The following BTRC variants were observed in gnomAD, a reference collection of about 807,000 sequenced individuals.
The protein encoded by BTRC is F-box/WD repeat-containing protein 1A.
Under a neutral mutation model 85.5 loss-of-function variants are expected in BTRC, and 42 were observed. The observed-to-expected ratio is 0.49, with a 90% CI of 0.38 to 0.64. The LOEUF (loss-of-function observed/expected upper bound fraction) is 0.64, where lower values mean the gene tolerates loss of function less well. BTRC is among the 30% of genes least tolerant of loss of function. The probability of loss-of-function intolerance (pLI) is 0.00; values close to 1 mark genes in which losing one functional copy is unlikely to be tolerated. For missense variants in BTRC, 594 were observed against 743.5 expected, an observed-to-expected ratio of 0.80 and a Z score of 2.34; for synonymous variants, 255 against 263.3, an observed-to-expected ratio of 0.97 and a Z score of 0.30.
At chr10:101,397,944 G>A (rs988801277) in intron 1 of BTRC, among the ~76,000 whole-genome samples, 1 of 152,160 alleles carries the variant, frequency 6.6e-6, no homozygotes, top group African/African-American at 2.4e-5. Context: ...TTTTAAAAAT[G>A]CCATTATTTC....
chr10:101,430,892 A>G (rs766765786), intron 2 of BTRC, among the ~76,000 whole-genome samples: 4 of 152,038 alleles, frequency 2.6e-5, no homozygotes, highest in African/African-American at 9.7e-5. Flanking sequence ...TCTTCAGAGT[A>G]TCTCCTGGTA....
At chr10:101,354,428 T>C in intron 1 of BTRC, 200 bp downstream of exon 1, 1 of 591,974 alleles carries the variant, frequency 1.7e-6, no homozygotes, top group Middle Eastern at 4.7e-4. Flanking sequence ...GGGCAGCGGC[T>C]CCGCCATCTT....
intron 13 of BTRC, among the ~76,000 whole-genome samples, chr10:101,540,306 C>T (rs2062446764): frequency 6.6e-6 from 1 of 152,152 alleles, no homozygotes; most frequent in African/African-American, 2.4e-5. Flanking sequence ...GCATATGGTA[C>T]AAGGTGTAGA....
At chr10:101,454,219 G>A (rs576825168) in intron 2 of BTRC, among the ~76,000 whole-genome samples, 2 of 152,302 alleles carry the variant, frequency 1.3e-5, no homozygotes, top group South Asian at 4.1e-4. Context: ...GTGTTAGTGG[G>A]TAGAGGGAGC....
intron 1 of BTRC, among the ~76,000 whole-genome samples, chr10:101,364,628 C>T (rs1365290612): frequency 2.0e-5 from 3 of 152,104 alleles, no homozygotes; most frequent in African/African-American, 7.2e-5. Flanking sequence ...GGAATTATAG[C>T]ATGTGGATAA....
chr10:101,485,973 G>C (rs1201159248), intron 4 of BTRC, among the ~76,000 whole-genome samples: 1 of 152,180 alleles, frequency 6.6e-6, no homozygotes, highest in Non-Finnish European at 1.5e-5. Flanking sequence ...CGATCAATTC[G>C]CCTCGTTTTG....
chr10:101,473,133 A>C (rs536664678), intron 3 of BTRC, among the ~76,000 whole-genome samples: 8 of 128,592 alleles, frequency 6.2e-5, no homozygotes, highest in Non-Finnish European at 1.2e-4. Context: ...ACTAAGACCG[A>C]TCTTTTTTTT....
chr10:101,487,993 A>G (rs528018191), intron 4 of BTRC, among the ~76,000 whole-genome samples: 7 of 152,320 alleles, frequency 4.6e-5, no homozygotes, highest in South Asian at 2.1e-4. Context: ...TTAATAATCT[A>G]TAGACTGTAA....
chr10:101,397,853 G>C (rs1943402989), intron 1 of BTRC, among the ~76,000 whole-genome samples: 1 of 152,168 alleles, frequency 6.6e-6, no homozygotes, highest in Admixed American at 6.5e-5. Context: ...GATGATAAAT[G>C]ATAAACATCC....
chr10:101,398,295 CTTT>C (rs1943412992), intron 1 of BTRC, among the ~76,000 whole-genome samples: 1 of 151,782 alleles, frequency 6.6e-6, no homozygotes, highest in Non-Finnish European at 1.5e-5. Flanking sequence ...TTGAAAATTT[CTTT>C]TTTTCTTTTT....
intron 1 of BTRC, among the ~76,000 whole-genome samples, chr10:101,390,683 G>A (rs969507255): frequency 2.0e-5 from 3 of 151,514 alleles, no homozygotes; most frequent in Non-Finnish European, 2.9e-5. Context: ...AGACATTAGA[G>A]CAAATTTGAG....
intron 1 of BTRC, among the ~76,000 whole-genome samples, chr10:101,390,953 C>G (rs1943223196): frequency 1.3e-5 from 2 of 151,974 alleles, no homozygotes; most frequent in Admixed American, 1.3e-4. Context: ...TTGAAACTTG[C>G]GTGGAAAGAA....
intron 1 of BTRC, among the ~76,000 whole-genome samples, chr10:101,373,785 G>A (rs1360542407): frequency 1.3e-5 from 2 of 152,056 alleles, no homozygotes; most frequent in Non-Finnish European, 2.9e-5. Context: ...AGGCATGGTG[G>A]TGGGCGCCTG....
intron 1 of BTRC, among the ~76,000 whole-genome samples, chr10:101,382,851 C>T (rs1942970634): frequency 6.6e-6 from 1 of 152,002 alleles, no homozygotes; most frequent in Admixed American, 6.6e-5. Flanking sequence ...AAAGACATTA[C>T]ATGGGCTTTA....
intron 3 of BTRC, among the ~76,000 whole-genome samples, chr10:101,474,031 G>A (rs1945609741): frequency 6.6e-6 from 1 of 151,992 alleles, no homozygotes; most frequent in Non-Finnish European, 1.5e-5. Context: ...CTATGTTCAA[G>A]TTTGAACATA....
At chr10:101,381,960 GTCTTTTTTT>G (rs1942940970) in intron 1 of BTRC, among the ~76,000 whole-genome samples, 1 of 78,460 alleles carries the variant, frequency 1.3e-5, no homozygotes, top group Non-Finnish European at 2.2e-5. Context: ...TCCTAAGAAT[GTCTTTTTTT>G]TTTTTTTTTT....
At chr10:101,408,953 G>A (rs1943701984) in intron 1 of BTRC, among the ~76,000 whole-genome samples, 2 of 152,168 alleles carry the variant, frequency 1.3e-5, no homozygotes, top group South Asian at 4.1e-4. Context: ...GGAGGCTGAG[G>A]CAGGGCAATC....
At chr10:101,421,292 A>G (rs757308327) in intron 1 of BTRC, among the ~76,000 whole-genome samples, 16 of 152,058 alleles carry the variant, frequency 1.1e-4, no homozygotes, top group Non-Finnish European at 2.2e-4. Flanking sequence ...CTGTGCCCCT[A>G]AACCATTTTG....
chr10:101,493,871 T>A (rs557568509), intron 4 of BTRC, among the ~76,000 whole-genome samples: 1 of 152,352 alleles, frequency 6.6e-6, no homozygotes, highest in East Asian at 1.9e-4. Context: ...TGTGGCTTAA[T>A]TAATGCCAGG....
Sources: allele counts gnomAD v4.1 joint callset (sites outside exome capture counted in the v4.1 genomes callset), GRCh38; gene constraint gnomAD v4.1.1; transcripts MANE v1.5; gene names NCBI Gene and HGNC (gene_info 2026-07-23, HGNC 2026-07-21).